Variants in DOK6 observed in about 807,000 individuals in gnomAD.
DOK6 encodes the protein docking protein 6.
A neutral mutation model predicts 44.0 loss-of-function variants in DOK6; 22 were observed. The ratio of observed to expected loss-of-function variants is 0.50; its 90% confidence interval spans 0.36 to 0.71. The LOEUF is 0.71. Among genes scored for constraint, DOK6 ranks in the 30% least tolerant of loss-of-function variants. The pLI is 0.00. For missense variants in DOK6, 340 were observed against 416.4 expected (o/e 0.82, Z 1.60); for synonymous variants, 166 against 145.5 (o/e 1.14, Z -1.01).
At chr18:69,735,683 T>C (rs1978582320) in intron 5 of DOK6, among the ~76,000 whole-genome samples, 1 of 152,222 alleles carries the variant, frequency 6.6e-6, no homozygotes, top group Non-Finnish European at 1.5e-5. Context: ...GGCTCCAGGC[T>C]GCATCAGAGT....
intron 3 of DOK6, among the ~76,000 whole-genome samples, chr18:69,667,406 C>T (rs1018302790): frequency 6.6e-6 from 1 of 152,156 alleles, no homozygotes; most frequent in African/African-American, 2.4e-5. Context: ...TTCTCTTGCA[C>T]CTATTCAAGC....
intron 1 of DOK6, among the ~76,000 whole-genome samples, chr18:69,504,879 G>A (rs1283011947): frequency 2.0e-5 from 3 of 152,112 alleles, no homozygotes; most frequent in Non-Finnish European, 4.4e-5. Context: ...CAGGAAAAAT[G>A]TTGAAGACTT....
intron 1 of DOK6, among the ~76,000 whole-genome samples, chr18:69,539,748 A>G (rs1441512680): frequency 6.6e-6 from 1 of 152,198 alleles, no homozygotes; most frequent in African/African-American, 2.4e-5. Flanking sequence ...TAACATTGTT[A>G]TGGATGCAGA....
intron 7 of DOK6, among the ~76,000 whole-genome samples, chr18:69,809,765 A>T: frequency 6.6e-6 from 1 of 151,900 alleles, no homozygotes; most frequent in African/African-American, 2.4e-5. Flanking sequence ...ACTTAGAAAT[A>T]AATTCAACCA....
intron 7 of DOK6, among the ~76,000 whole-genome samples, chr18:69,815,801 G>A (rs1301550177): frequency 6.6e-6 from 1 of 151,980 alleles, no homozygotes; most frequent in Admixed American, 6.6e-5. Flanking sequence ...ACATATATAT[G>A]TATATATACA....
At chr18:69,792,008 G>A (rs942450041) in intron 7 of DOK6, among the ~76,000 whole-genome samples, 8 of 151,788 alleles carry the variant, frequency 5.3e-5, no homozygotes, top group Non-Finnish European at 2.9e-5. Context: ...TTGAAGAGAT[G>A]GTCATTTCCC....
At chr18:69,630,866 A>G (rs180713902) in intron 3 of DOK6, among the ~76,000 whole-genome samples, 150 of 152,312 alleles carry the variant, frequency 9.8e-4, no homozygotes, top group African/African-American at 3.5e-3. Flanking sequence ...AAAAGTATAA[A>G]TTTATAGGCA....
chr18:69,741,942 A>G (rs11151532), intron 6 of DOK6, among the ~76,000 whole-genome samples: 86,982 of 152,082 alleles, frequency 0.57, 26,462 homozygotes, highest in East Asian at 0.69. Context: ...CTCAACAACC[A>G]TTTCTTACTA....
chr18:69,524,064 A>G (rs777733587), intron 1 of DOK6, among the ~76,000 whole-genome samples: 4 of 152,024 alleles, frequency 2.6e-5, no homozygotes, highest in Non-Finnish European at 5.9e-5. Context: ...AACCAATTCT[A>G]TTACAGGAGA....
chr18:69,519,816 G>A (rs1302279707), intron 1 of DOK6, among the ~76,000 whole-genome samples: 1 of 151,802 alleles, frequency 6.6e-6, no homozygotes, highest in Non-Finnish European at 1.5e-5. Context: ...TGACTATAAT[G>A]AAAAATAATG....
chr18:69,757,344 C>T (rs1240527067), intron 6 of DOK6, among the ~76,000 whole-genome samples: 3 of 152,130 alleles, frequency 2.0e-5, no homozygotes, highest in Non-Finnish European at 4.4e-5. Context: ...GCTTCTGAAG[C>T]AGCTGGCACC....
chr18:69,477,255 C>T (rs1001783908), intron 1 of DOK6, among the ~76,000 whole-genome samples: 5 of 152,116 alleles, frequency 3.3e-5, no homozygotes, highest in East Asian at 1.9e-4. Context: ...AAGCAGGTTT[C>T]GAGATCCGTT....
intron 5 of DOK6, 34 bp downstream of exon 5, chr18:69,698,627 TGTCTGTATAACAGA>T (rs777334836): frequency 5.0e-5 from 80 of 1,599,792 alleles, no homozygotes; most frequent in Middle Eastern, 2.1e-4. Context: ...GTGCAGGAGT[TGTCTGTATAACAGA>T]GTCTGTATAA....
At chr18:69,530,366 A>G (rs146832410) in intron 1 of DOK6, among the ~76,000 whole-genome samples, 266 of 152,288 alleles carry the variant, frequency 1.7e-3, no homozygotes, top group Non-Finnish European at 3.0e-3. Flanking sequence ...TGGTTTGTGT[A>G]ATATTGCACA....
intron 1 of DOK6, among the ~76,000 whole-genome samples, chr18:69,504,827 T>A (rs1415402963): frequency 6.6e-6 from 1 of 152,202 alleles, no homozygotes; most frequent in African/African-American, 2.4e-5. Flanking sequence ...GAGAGCTATT[T>A]AAATATTTTT....
At chr18:69,542,957 GTCT>G (rs1702308110) in intron 1 of DOK6, among the ~76,000 whole-genome samples, 1 of 151,406 alleles carries the variant, frequency 6.6e-6, no homozygotes, top group African/African-American at 2.4e-5. Context: ...CAGTCGATTT[GTCT>G]TCTTCTAATG....
At position 69,842,600 on chromosome 18, in the gene DOK6, T is replaced by C. The variant is rs1348837647; in HGVS notation, c.*1217T>C. 2 of 152,220 alleles carry C rather than the reference T, an allele frequency of 1.3e-5. No homozygotes were observed. The highest frequency in any genetic ancestry group is 2.9e-5 in the Non-Finnish European group (2 of 68,046). The allele number at this position is 152,220 out of a possible 1,614,324, so 9.4% of individuals were successfully genotyped here. On this transcript the variant is annotated 3_prime_UTR_variant, in exon 8 of 8. Coordinates refer to ENST00000382713, the MANE Select transcript of DOK6 (RefSeq NM_152721.6). ...TGCAGGGCTTTATTTTTTCTTTTAC[T>C]GGACACAGGTTGTCTGAGATTATAA...
chr18:69,746,151 C>T (rs898100137), intron 6 of DOK6, among the ~76,000 whole-genome samples: 2 of 152,170 alleles, frequency 1.3e-5, no homozygotes, highest in Non-Finnish European at 2.9e-5. Flanking sequence ...TTACTGATTG[C>T]AGACGGAAAT....
chr18:69,423,082 T>C (rs1978539762), intron 1 of DOK6, among the ~76,000 whole-genome samples: 1 of 152,098 alleles, frequency 6.6e-6, no homozygotes, highest in South Asian at 2.1e-4. Context: ...AGTGGGAAGA[T>C]CGCTTGAGGC....
Sources: gnomAD v4.1 joint callset for allele counts (sites outside exome capture counted in the v4.1 genomes callset) on GRCh38, gnomAD v4.1.1 for gene constraint, MANE v1.5 for transcripts, NCBI Gene and HGNC (gene_info 2026-07-23, HGNC 2026-07-21) for gene names.